The following GLRB variants were observed in gnomAD, a reference collection of about 807,000 sequenced individuals.
The protein encoded by GLRB is glycine receptor beta, also known as glycine receptor subunit beta.
In GLRB, 33 loss-of-function variants were observed where a neutral mutation model predicts 54.2. The observed-to-expected ratio is 0.61, with a 90% confidence interval of 0.46 to 0.81. The LOEUF (loss-of-function observed/expected upper bound fraction) is 0.81. GLRB is among the 40% of genes least tolerant of loss of function. The probability of loss-of-function intolerance (pLI) is 0.00; values close to 1 mark genes in which losing one functional copy is unlikely to be tolerated. For synonymous variants in GLRB, 209 were observed against 208.2 expected (o/e 1.00, Z -0.03); for missense variants, 572 against 584.6 (o/e 0.98, Z 0.22).
chr4:157,159,950 A>T (rs555378018), intron 9 of GLRB, among the ~76,000 whole-genome samples: 14 of 152,244 alleles, frequency 9.2e-5, no homozygotes, highest in African/African-American at 3.4e-4. Flanking sequence ...TTGGCTGTGA[A>T]TCCATCTGGT....
chr4:157,089,539 C>T (rs377074073), intron 2 of GLRB, among the ~76,000 whole-genome samples: 1 of 152,204 alleles, frequency 6.6e-6, no homozygotes, highest in African/African-American at 2.4e-5. Flanking sequence ...TTTCACCCAT[C>T]CCACATGTGG....
intron 2 of GLRB, among the ~76,000 whole-genome samples, chr4:157,090,350 G>A (rs1295348639): frequency 1.3e-5 from 2 of 152,116 alleles, no homozygotes; most frequent in East Asian, 3.8e-4. Flanking sequence ...TGAAAAGTGG[G>A]GCATTGTTTA....
chr4:157,111,215 G>A (rs1283276746), intron 2 of GLRB, among the ~76,000 whole-genome samples: 6 of 152,034 alleles, frequency 3.9e-5, no homozygotes, highest in African/African-American at 1.4e-4. Context: ...TGTTCTCAGG[G>A]AGAAGCTGGG....
At chr4:157,121,895 T>C (rs541632340) in intron 3 of GLRB, among the ~76,000 whole-genome samples, 2 of 151,670 alleles carry the variant, frequency 1.3e-5, no homozygotes, top group Non-Finnish European at 3.0e-5. Context: ...GTAAAATTTA[T>C]TGAATACTGT....
intron 2 of GLRB, among the ~76,000 whole-genome samples, chr4:157,090,169 A>C (rs1579187614): frequency 6.6e-6 from 1 of 152,222 alleles, no homozygotes; most frequent in East Asian, 1.9e-4. Flanking sequence ...AACCTAGAGC[A>C]TGTTTAGGGA....
intron 2 of GLRB, among the ~76,000 whole-genome samples, chr4:157,089,765 A>T (rs1392885320): frequency 2.6e-5 from 4 of 152,124 alleles, no homozygotes; most frequent in African/African-American, 4.8e-5. Flanking sequence ...TCTATATGTA[A>T]CTTCACTCTT....
At chr4:157,135,959 C>G (rs1489855332) in intron 4 of GLRB, among the ~76,000 whole-genome samples, 1 of 152,050 alleles carries the variant, frequency 6.6e-6, no homozygotes, top group East Asian at 1.9e-4. Flanking sequence ...CTGTTGAAAG[C>G]CTTCACTCCA....
intron 2 of GLRB, among the ~76,000 whole-genome samples, chr4:157,094,652 G>A (rs72978494): frequency 6.6e-6 from 1 of 152,114 alleles, no homozygotes; most frequent in Admixed American, 6.5e-5. Context: ...GTCATCAAGG[G>A]AGTGCAGATT....
intron 9 of GLRB, among the ~76,000 whole-genome samples, chr4:157,167,940 G>A (rs1737775029): frequency 6.6e-6 from 1 of 152,020 alleles, no homozygotes; most frequent in Admixed American, 6.6e-5. Flanking sequence ...ATTTTCACTT[G>A]AACTAACAGA....
intron 3 of GLRB, among the ~76,000 whole-genome samples, chr4:157,121,229 A>G (rs1207561693): frequency 6.6e-6 from 1 of 151,730 alleles, no homozygotes; most frequent in Non-Finnish European, 1.5e-5. Context: ...AACATAGATT[A>G]TTTTTATTCC....
At position 157,170,752 on chromosome 4, in the gene GLRB, A is replaced by G. The variant is rs770481879; in HGVS notation, c.*24A>G. 1.5e-6 allele frequency: 2 copies of G among 1,320,968 alleles called. No homozygotes were observed. Among genetic ancestry groups the G allele is most frequent in the Admixed American group, 2.3e-5 (1 of 42,612 alleles). 81.8% of individuals were successfully genotyped at this position (1,320,968 alleles called of 1,614,324 possible). A position where few individuals can be genotyped will look rare whatever the true frequency, so the allele number is the denominator to read the frequency against. The stretch of plus-strand genomic sequence containing the variant: ...GATAAATCTTTTCCATTTGTACAAA[A>G]TAAAATTCCATTTCATTGTGACCTA... On this transcript the variant is annotated 3_prime_UTR_variant, in exon 10 of 10. Coordinates refer to ENST00000264428, the MANE Select transcript of GLRB (RefSeq NM_000824.5).
intron 9 of GLRB, among the ~76,000 whole-genome samples, chr4:157,165,847 A>G (rs1374113795): frequency 6.6e-6 from 1 of 152,062 alleles, no homozygotes; most frequent in Non-Finnish European, 1.5e-5. Context: ...AATTTTATAT[A>G]AATTAGAAAA....
At chr4:157,133,360 T>G (rs985453136) in intron 4 of GLRB, among the ~76,000 whole-genome samples, 1 of 151,894 alleles carries the variant, frequency 6.6e-6, no homozygotes, top group Non-Finnish European at 1.5e-5. Context: ...AGCAAATTAT[T>G]TAGCACAGAA....
intron 8 of GLRB, among the ~76,000 whole-genome samples, chr4:157,147,898 A>G (rs1459252349): frequency 6.6e-6 from 1 of 152,208 alleles, no homozygotes; most frequent in African/African-American, 2.4e-5. Flanking sequence ...TACCTGTTCT[A>G]TGGTAAAGCA....
At chr4:157,093,495 C>T (rs899703139) in intron 2 of GLRB, among the ~76,000 whole-genome samples, 2 of 152,074 alleles carry the variant, frequency 1.3e-5, no homozygotes, top group African/African-American at 4.8e-5. Context: ...AATCCCAGCA[C>T]TTTGGGAGGC....
chr4:157,125,337 G>C (rs1388877705), intron 4 of GLRB, among the ~76,000 whole-genome samples: 1 of 151,818 alleles, frequency 6.6e-6, no homozygotes, highest in Non-Finnish European at 1.5e-5. Flanking sequence ...ATGGTGGGCT[G>C]TGTGTGAGTT....
At chr4:157,119,207 G>C (rs139572182) in intron 2 of GLRB, among the ~76,000 whole-genome samples, 240 of 151,628 alleles carry the variant, frequency 1.6e-3, no homozygotes, top group Middle Eastern at 6.8e-3. Flanking sequence ...ATAGTATAGA[G>C]TATTTTACTT....
chr4:157,095,514 A>G (rs74439127), intron 2 of GLRB, among the ~76,000 whole-genome samples: 2,501 of 152,200 alleles, frequency 0.016, 26 homozygotes, highest in Middle Eastern at 0.024. Context: ...TATACATTTA[A>G]AGAGTTGTAA....
chr4:157,169,095 T>G (rs1018469249), intron 9 of GLRB, among the ~76,000 whole-genome samples: 1 of 152,110 alleles, frequency 6.6e-6, no homozygotes, highest in African/African-American at 2.4e-5. Context: ...GTATAGTGTT[T>G]TTAACCCAGC....
Sources: allele counts gnomAD v4.1 joint callset (sites outside exome capture counted in the v4.1 genomes callset), GRCh38; gene constraint gnomAD v4.1.1; transcripts MANE v1.5; gene names NCBI Gene and HGNC (gene_info 2026-07-23, HGNC 2026-07-21).